ACACA: variants seen among roughly 807,000 people sequenced by gnomAD.
ACACA encodes acetyl-CoA carboxylase alpha.
ACACA carries 103 observed loss-of-function variants against 296.1 expected under a neutral mutation model. The ratio of observed to expected loss-of-function variants is 0.35; its 90% CI spans 0.30 to 0.41. The LOEUF (loss-of-function observed/expected upper bound fraction) is 0.41. Among genes scored for constraint, ACACA ranks in the 10% least tolerant of loss-of-function variants. ACACA has a pLI of 1.00. For missense variants in ACACA, 1,554 were observed against 2,989.7 expected, an observed-to-expected ratio of 0.52 and a Z score of 11.20; for synonymous variants, 953 against 1,038.6, an observed-to-expected ratio of 0.92 and a Z score of 1.58.
At chr17:37,376,792 T>C (rs901340566) in intron 1 of ACACA, among the ~76,000 whole-genome samples, 1 of 152,082 alleles carries the variant, frequency 6.6e-6, no homozygotes, top group Non-Finnish European at 1.5e-5. Flanking sequence ...CCATCTCTAC[T>C]AAAAGTGCAA....
intron 3 of ACACA, among the ~76,000 whole-genome samples, chr17:37,286,046 C>T (rs1235206091): frequency 1.3e-5 from 2 of 152,080 alleles, no homozygotes; most frequent in Admixed American, 6.6e-5. Context: ...CGCGCCACCA[C>T]ACCTGGCTAA....
intron 1 of ACACA, among the ~76,000 whole-genome samples, chr17:37,347,160 A>G (rs989229927): frequency 5.3e-5 from 8 of 152,100 alleles, no homozygotes; most frequent in Admixed American, 3.3e-4. Flanking sequence ...GTGTTAGTGA[A>G]TAAGTCTCAC....
chr17:37,366,902 A>G (rs1461960006), intron 1 of ACACA: 1 of 152,132 alleles, frequency 6.6e-6, no homozygotes, highest in African/African-American at 2.4e-5. Context: ...AGCATGACCA[A>G]CATAGAGAAA....
chr17:37,289,547 C>T (rs771962380), intron 3 of ACACA: 4 of 1,323,288 alleles, frequency 3.0e-6, no homozygotes, highest in Non-Finnish European at 2.0e-6. Context: ...ACAAAAATGT[C>T]AATCAAAATG....
chr17:37,093,153 G>A (rs1363994134), intron 54 of ACACA, among the ~76,000 whole-genome samples: 2 of 152,166 alleles, frequency 1.3e-5, no homozygotes, highest in Non-Finnish European at 2.9e-5. Context: ...GCCAGGTTTT[G>A]AGGTCAGTGG....
At chr17:37,381,773 A>G (rs138642197) in intron 1 of ACACA, among the ~76,000 whole-genome samples, 4,583 of 150,660 alleles carry the variant, frequency 0.03, 181 homozygotes, top group African/African-American at 0.077. Context: ...GACTACAGGC[A>G]CTCGCCACCA....
chr17:37,335,193 G>A (rs1057380908), intron 2 of ACACA, among the ~76,000 whole-genome samples: 6 of 152,056 alleles, frequency 3.9e-5, no homozygotes, highest in Non-Finnish European at 8.8e-5. Context: ...CCCTGACTGG[G>A]CTCCATGAGG....
chr17:37,382,636 C>T (rs573414985), intron 1 of ACACA, among the ~76,000 whole-genome samples: 11 of 152,124 alleles, frequency 7.2e-5, no homozygotes, highest in Admixed American at 2.6e-4. Context: ...CCGAGGCAGG[C>T]GGATCATGAG....
intron 42 of ACACA, among the ~76,000 whole-genome samples, chr17:37,158,778 G>A (rs971140833): frequency 6.6e-6 from 1 of 152,268 alleles, no homozygotes; most frequent in Non-Finnish European, 1.5e-5. Context: ...ACCACCAGGT[G>A]AGAGGGCATT....
At chr17:37,094,156 G>A (rs934309436) in intron 54 of ACACA, among the ~76,000 whole-genome samples, 2 of 152,114 alleles carry the variant, frequency 1.3e-5, no homozygotes, top group South Asian at 2.1e-4. Flanking sequence ...TCGTTAAGGA[G>A]CTGTAGTGAT....
chr17:37,336,602 G>C (rs898341316), intron 2 of ACACA, among the ~76,000 whole-genome samples: 1 of 152,146 alleles, frequency 6.6e-6, no homozygotes, highest in Non-Finnish European at 1.5e-5. Flanking sequence ...AGGCATTCGA[G>C]CCAGCTACAG....
chr17:37,246,152 G>T (rs976468103), intron 19 of ACACA, among the ~76,000 whole-genome samples: 4 of 152,044 alleles, frequency 2.6e-5, no homozygotes, highest in African/African-American at 9.7e-5. Flanking sequence ...GCTTGATTTG[G>T]GTTAGGTGAC....
Position 37,089,093 on chromosome 17 carries a change from T to C in ACACA, c.6892-19A>G. ...CATAAGCCTGCAAACAGATGACTCT[T>C]GGTCAAACACCAGGGGTCAGGCCAG... On this transcript the variant is annotated intron_variant, in intron 54 of 55. Coordinates refer to ENST00000616317, the MANE Select transcript of ACACA (RefSeq NM_198834.3). The C allele has an allele frequency of 6.2e-7, 1 of 1,614,172 alleles. No homozygotes were observed.
At position 37,268,713 on chromosome 17, in the gene ACACA, A is replaced by ATATCTATCTATC. The variant is rs1187101546; in HGVS notation, c.1119+2026_1119+2037dup. Among the ~76,000 whole-genome samples the ATATCTATCTATC allele has an allele frequency of 1.8e-4, 24 of 135,636 alleles. No individual in the cohort carries two copies. The South Asian group carries it at 2.1e-3, about 12-fold the overall frequency. The allele number at this position is 135,636 out of a possible 152,430, so 89.0% of individuals were successfully genotyped here. Reference sequence around the variant, plus strand: ...CGTAAAATGTAATATATCTATATCTATATCTATCTATCTATCTATCTATCT... The same window carrying ATATCTATCTATC: ...CGTAAAATGTAATATATCTATATCTATATCTATCTATCTATCTATCTATCTATCTATCTATCT... On this transcript the variant is annotated intron_variant, in intron 10 of 55. Coordinates refer to ENST00000616317, the MANE Select transcript of ACACA (RefSeq NM_198834.3).
At chr17:37,382,849 A>T (rs946797855) in intron 1 of ACACA, among the ~76,000 whole-genome samples, 2 of 151,936 alleles carry the variant, frequency 1.3e-5, no homozygotes, top group Non-Finnish European at 2.9e-5. Flanking sequence ...ACAGAGCGAG[A>T]CTCTGTCTCA....
Position 37,182,853 on chromosome 17 carries a change from T to TTA in ACACA, c.4777-1498_4777-1497insTA, listed in dbSNP as rs1567777119. Among the ~76,000 whole-genome samples, 10 of 152,316 alleles carry TTA rather than the reference T, an allele frequency of 6.6e-5. No individual in the cohort carries two copies. In the East Asian group the frequency reaches 1.5e-3, roughly 24 times the overall value. ...TCCTTAGCCCCTTAGCTCAGAGGAA[T>TTA]GAATGTTCTGCTAATTTGTCAATCA... is the stretch of plus-strand genomic sequence containing the variant. On this transcript the variant is annotated intron_variant, in intron 39 of 55. Coordinates refer to ENST00000616317, the MANE Select transcript of ACACA (RefSeq NM_198834.3).
intron 52 of ACACA, among the ~76,000 whole-genome samples, chr17:37,103,056 T>C (rs1265203398): frequency 6.6e-6 from 1 of 152,166 alleles, no homozygotes; most frequent in Non-Finnish European, 1.5e-5. Flanking sequence ...TGCTTTGTTT[T>C]AGGGGAAAAA....
chr17:37,354,795 G>T (rs2049058367), intron 1 of ACACA, among the ~76,000 whole-genome samples: 1 of 152,116 alleles, frequency 6.6e-6, no homozygotes, highest in African/African-American at 2.4e-5. Context: ...GCTGGGCGCA[G>T]TGGTGTACAC....
chr17:37,174,021 T>TATATATATATA lies in ACACA; in HGVS notation c.5079+5238_5079+5239insTATATATATAT, dbSNP rs1491485396. Among the ~76,000 whole-genome samples the TATATATATATA allele has an allele frequency of 2.7e-3, 31 of 11,426 alleles. 1 individual carries two copies. Among genetic ancestry groups the TATATATATATA allele is most frequent in the Non-Finnish European group, 3.6e-3 (23 of 6,464 alleles). The allele number at this position is 11,426 out of a possible 152,430, so 7.5% of individuals were successfully genotyped here. On this transcript the variant is annotated intron_variant, in intron 41 of 55. Transcript: ENST00000616317. ...ATATATATATATATATATATATATA[T>TATATATATATA]TTTTTTTTTTTTTTTTTTTTGTAGC...
Sources: allele counts gnomAD v4.1 joint callset (sites outside exome capture counted in the v4.1 genomes callset), GRCh38; gene constraint gnomAD v4.1.1; transcripts MANE v1.5; gene names NCBI Gene and HGNC (gene_info 2026-07-23, HGNC 2026-07-21).